The following CMSS1 variants were observed in gnomAD, a reference collection of about 807,000 sequenced individuals.
CMSS1 encodes protein CMSS1.
Under a neutral mutation model 43.5 loss-of-function variants are expected in CMSS1, and 33 were observed. The ratio of observed to expected loss-of-function variants is 0.76; its 90% CI spans 0.57 to 1.01. CMSS1 has a LOEUF of 1.01. CMSS1 is among the 50% of genes least tolerant of loss of function. The pLI is 0.00. For missense variants in CMSS1, 313 were observed against 326.4 expected, an observed-to-expected ratio of 0.96 and a Z score of 0.32; for synonymous variants, 115 against 117.2, an observed-to-expected ratio of 0.98 and a Z score of 0.12.
At chr3:100,139,519 TA>T (rs1312410274) in intron 1 of CMSS1, among the ~76,000 whole-genome samples, 3 of 125,400 alleles carry the variant, frequency 2.4e-5, no homozygotes, top group Admixed American at 8.2e-5. Flanking sequence ...CTGTATCTAC[TA>T]AAAAAAAAAT....
chr3:99,986,349 G>A (rs1390238699), intron 1 of CMSS1, among the ~76,000 whole-genome samples: 1 of 152,144 alleles, frequency 6.6e-6, no homozygotes. Flanking sequence ...ACATATCATT[G>A]TAAAATAAAG....
intron 1 of CMSS1, among the ~76,000 whole-genome samples, chr3:99,928,600 A>C (rs1263950807): frequency 6.6e-6 from 1 of 152,206 alleles, no homozygotes; most frequent in Non-Finnish European, 1.5e-5. Context: ...TTTTGTAATT[A>C]AATTTTTTCC....
At chr3:100,074,857 C>A (rs2065824781) in intron 1 of CMSS1, among the ~76,000 whole-genome samples, 1 of 151,434 alleles carries the variant, frequency 6.6e-6, no homozygotes, top group Non-Finnish European at 1.5e-5. Flanking sequence ...CCACTCCTGG[C>A]TAATTTTTGT....
chr3:100,137,649 G>A (rs2066767314), intron 1 of CMSS1, among the ~76,000 whole-genome samples: 1 of 150,482 alleles, frequency 6.6e-6, no homozygotes, highest in Admixed American at 6.6e-5. Context: ...TGCAAGCTCT[G>A]CCTCCTGGGT....
chr3:99,862,269 A>G (rs1944302364), intron 1 of CMSS1, among the ~76,000 whole-genome samples: 1 of 152,226 alleles, frequency 6.6e-6, no homozygotes, highest in Non-Finnish European at 1.5e-5. Context: ...TGGAAAAAAA[A>G]GTAGGACAGT....
In CMSS1 at chr3:100,170,751, G is replaced by A. The variant is rs773191946; in HGVS notation, c.519-1088G>A. Among the ~76,000 whole-genome samples the A allele has an allele frequency of 4.6e-5, 7 of 152,290 alleles. 1 individual carries two copies. Among genetic ancestry groups the A allele is most frequent in the African/African-American group, 1.2e-4 (5 of 41,556 alleles). ...AGGCAGGCACGGCAGGTGCACCAGC[G>A]CCGTCTCAGCCCTCAGAGCTGGTGG... On this transcript the variant is annotated intron_variant, in intron 6 of 9. Transcript: ENST00000421999.
chr3:99,848,012 A>C, intron 1 of CMSS1: 1 of 1,122,736 alleles, frequency 8.9e-7, no homozygotes, highest in Non-Finnish European at 1.1e-6. Context: ...GAGTTATGGA[A>C]AATGAAATAC....
intron 1 of CMSS1, among the ~76,000 whole-genome samples, chr3:100,118,976 G>A (rs1005055025): frequency 6.6e-6 from 1 of 152,118 alleles, no homozygotes; most frequent in South Asian, 2.1e-4. Context: ...TGGTCGTGTT[G>A]TTGTTTTTTT....
intron 1 of CMSS1, among the ~76,000 whole-genome samples, chr3:99,953,978 T>C (rs1345709076): frequency 2.6e-5 from 4 of 152,220 alleles, no homozygotes; most frequent in Non-Finnish European, 4.4e-5. Context: ...CCTGCAGTCT[T>C]CTTAGAAGTT....
intron 2 of CMSS1, among the ~76,000 whole-genome samples, chr3:100,148,831 A>G (rs1027452732): frequency 6.6e-6 from 1 of 152,088 alleles, no homozygotes; most frequent in Admixed American, 6.5e-5. Flanking sequence ...CATGTTTAAT[A>G]TATAATCATC....
chr3:99,976,583 T>C (rs1423749665), intron 1 of CMSS1, among the ~76,000 whole-genome samples: 2 of 152,214 alleles, frequency 1.3e-5, no homozygotes, highest in Non-Finnish European at 1.5e-5. Flanking sequence ...GTGGCTTGCA[T>C]GATTTGCAGC....
At chr3:99,828,464 T>TTC (rs1942578950) in intron 1 of CMSS1, among the ~76,000 whole-genome samples, 1 of 150,012 alleles carries the variant, frequency 6.7e-6, no homozygotes, top group African/African-American at 2.5e-5. Flanking sequence ...TTTTTTTTTT[T>TTC]CCCCACAAAC....
intron 1 of CMSS1, among the ~76,000 whole-genome samples, chr3:99,931,351 G>C (rs758768994): frequency 6.6e-6 from 1 of 152,114 alleles, no homozygotes; most frequent in Non-Finnish European, 1.5e-5. Context: ...CTCCAACCAT[G>C]ACCCTAAGTG....
intron 1 of CMSS1, among the ~76,000 whole-genome samples, chr3:99,932,483 TA>T (rs1352301401): frequency 7.2e-5 from 11 of 152,228 alleles, no homozygotes; most frequent in Non-Finnish European, 1.0e-4. Context: ...TGTTTTTGAA[TA>T]TTTTTTTTTC....
chr3:99,850,965 A>G (rs1330814447), intron 1 of CMSS1: 6 of 1,614,026 alleles, frequency 3.7e-6, no homozygotes, highest in Non-Finnish European at 5.1e-6. Flanking sequence ...TCAAAGCAAA[A>G]GACTTCAGCT....
intron 1 of CMSS1, among the ~76,000 whole-genome samples, chr3:100,094,187 G>A (rs1369679124): frequency 1.3e-5 from 2 of 152,162 alleles, no homozygotes; most frequent in Non-Finnish European, 2.9e-5. Flanking sequence ...AGTTAATGAT[G>A]TGGGACATCT....
chr3:99,979,494 T>G (rs901699612), intron 1 of CMSS1, among the ~76,000 whole-genome samples: 1 of 152,208 alleles, frequency 6.6e-6, no homozygotes, highest in African/African-American at 2.4e-5. Flanking sequence ...GGAGTCAGGT[T>G]GTTCATAGGT....
intron 1 of CMSS1, among the ~76,000 whole-genome samples, chr3:99,893,198 C>T (rs1030721034): frequency 7.2e-6 from 1 of 138,840 alleles, no homozygotes; most frequent in African/African-American, 2.7e-5. Context: ...TAGAGTCTCA[C>T]TCTGTTGCCC....
chr3:100,022,686 A>G (rs1375081768), intron 1 of CMSS1, among the ~76,000 whole-genome samples: 2 of 152,172 alleles, frequency 1.3e-5, no homozygotes, highest in African/African-American at 2.4e-5. Context: ...CTCAGCTGGG[A>G]TAGGTAGAAA....
Sources: gnomAD v4.1 joint callset for allele counts (sites outside exome capture counted in the v4.1 genomes callset) on GRCh38, gnomAD v4.1.1 for gene constraint, MANE v1.5 for transcripts, NCBI Gene and HGNC (gene_info 2026-07-23, HGNC 2026-07-21) for gene names.